HCN4: variants seen among roughly 807,000 people sequenced by gnomAD.
The protein encoded by HCN4 is hyperpolarization activated cyclic nucleotide gated potassium channel 4.
A neutral mutation model predicts 76.9 loss-of-function variants in HCN4; 29 were observed. That is an observed-to-expected ratio of 0.38 (90% CI 0.28 to 0.51). The LOEUF is 0.51. HCN4 is among the 20% of genes least tolerant of loss of function. The pLI, the probability that HCN4 is intolerant of heterozygous loss-of-function variation, is 0.90. For missense variants in HCN4, 1,416 were observed against 1,715.2 expected (o/e 0.83, Z 3.08); for synonymous variants, 772 against 762.5 (o/e 1.01, Z -0.21).
chr15:73,352,081 T>C (rs905349506), intron 1 of HCN4, among the ~76,000 whole-genome samples: 10 of 152,208 alleles, frequency 6.6e-5, no homozygotes, highest in African/African-American at 2.4e-4. Context: ...ATAGTACTTA[T>C]CATGTTATAA....
chr15:73,325,264 G>C lies in HCN4; in HGVS notation c.1737+34C>G. 1 of 1,614,064 alleles carries C rather than the reference G, an allele frequency of 6.2e-7. No homozygotes were observed. Among genetic ancestry groups the C allele is most frequent in the South Asian group, 1.1e-5 (1 of 91,066 alleles). On this transcript the variant is annotated intron_variant, in intron 5 of 7. Transcript: ENST00000261917. The surrounding 1 kb of genome is among the most constrained non-coding windows in gnomAD (Gnocchi z 7.4). ...GGGAGCTGGCTGCCAGGAAGGCCTG[G>C]CTCCCCTCCACGCCGGGCCGCCACA...
At chr15:73,337,375 C>T (rs1193584264) in intron 2 of HCN4, among the ~76,000 whole-genome samples, 2 of 152,216 alleles carry the variant, frequency 1.3e-5, no homozygotes, top group African/African-American at 4.8e-5. Flanking sequence ...AATAAATGCG[C>T]GTACATCTAA....
chr15:73,323,383 T>C lies in HCN4; in HGVS notation c.2710A>G (p.Ile904Val), dbSNP rs2042876462. Residue 904 changes from isoleucine (I) to valine (V), a missense_variant, in exon 8 of 8, where the codon ATA becomes GTA. This residue lies in a region of HCN4 where 633 missense variants were observed against 579.8 expected (regional missense o/e 1.09). Coordinates refer to ENST00000261917, the MANE Select transcript of HCN4 (RefSeq NM_005477.3). ...TTGTGGAAGTGGCCAAACCCGGCTA[T>C]GGTGGTGGCGGCTACGCCAGCTGAT... is the stretch of plus-strand genomic sequence containing the variant. Reference protein sequence around the residue: ...TPSAGVAATTIAGFGHFHKAL... With the variant: ...TPSAGVAATTVAGFGHFHKAL... 3 of 1,588,162 alleles carry C rather than the reference T, an allele frequency of 1.9e-6. No homozygotes were observed. Among genetic ancestry groups the C allele is most frequent in the Non-Finnish European group, 2.6e-6 (3 of 1,168,214 alleles).
intron 2 of HCN4, among the ~76,000 whole-genome samples, chr15:73,333,943 C>T (rs531663535): frequency 2.6e-5 from 4 of 152,208 alleles, no homozygotes; most frequent in Non-Finnish European, 5.9e-5. Context: ...CCTGTAGCCA[C>T]CATATTAGAT....
intron 4 of HCN4, among the ~76,000 whole-genome samples, chr15:73,327,673 C>T (rs2042908697): frequency 6.6e-6 from 1 of 151,904 alleles, no homozygotes; most frequent in South Asian, 2.1e-4. Flanking sequence ...TTCTCTACCT[C>T]CCTAGGAGGT....
chr15:73,343,335 C>T lies in HCN4; in HGVS notation c.1209+50G>A. ...GAGGTTCCCTGCCAGTTCCTCACTC[C>T]CTCTGTGGGGAGTGGCCTTTCCCCC... On this transcript the variant is annotated intron_variant, in intron 2 of 7. Coordinates refer to ENST00000261917, the MANE Select transcript of HCN4 (RefSeq NM_005477.3). This position sits in a 1 kb window ranked among gnomAD's most constrained non-coding sequence, Gnocchi z 5.7. The T allele has an allele frequency of 6.3e-7, 1 of 1,576,462 alleles. No individual in the cohort carries two copies. Among genetic ancestry groups the T allele is most frequent in the Non-Finnish European group, 8.7e-7 (1 of 1,149,132 alleles).
chr15:73,323,692 G>T lies in HCN4; in HGVS notation c.2401C>A (p.Leu801Met). The T allele has an allele frequency of 6.3e-7, 1 of 1,594,574 alleles. No individual in the cohort carries two copies. Among genetic ancestry groups the T allele is most frequent in the Non-Finnish European group, 8.5e-7 (1 of 1,170,914 alleles). The change falls in exon 8 of 8, where the codon CTG becomes ATG. Residue 801 changes from leucine to methionine, a missense_variant. This residue lies in a region of HCN4 where 633 missense variants were observed against 579.8 expected (regional missense o/e 1.09). Coordinates refer to ENST00000261917, the MANE Select transcript of HCN4 (RefSeq NM_005477.3). ...VAIALTHHPR[L>M]PAAIFRPPPG... ...GGAGGGCGGAAGATGGCAGCAGGCA[G>T]GCGAGGGTGGTGGGTGAGGGCTATG...
In HCN4 at chr15:73,322,365, TG is replaced by T; in HGVS notation, c.*115del. The stretch of plus-strand genomic sequence containing the variant: ...TCTGCTGTCTTTTGTTTTTCTGGTG[TG>T]TGTGGTTTTTTAAATAATTATTACT... On this transcript the variant is annotated 3_prime_UTR_variant, in exon 8 of 8. Coordinates refer to ENST00000261917, the MANE Select transcript of HCN4 (RefSeq NM_005477.3). The T allele has an allele frequency of 7.8e-6, 7 of 902,300 alleles. No homozygotes were observed. The highest frequency in any genetic ancestry group is 1.2e-5 in the Non-Finnish European group (7 of 560,294). The allele number at this position is 902,300 out of a possible 1,614,324, so 55.9% of individuals were successfully genotyped here.
At chr15:73,327,535 T>C (rs1296556537) in intron 4 of HCN4, among the ~76,000 whole-genome samples, 5 of 152,006 alleles carry the variant, frequency 3.3e-5, no homozygotes, top group African/African-American at 9.6e-5. Context: ...TGGGCACTGG[T>C]GCTGGCTCCA....
At chr15:73,326,859 T>C (rs2042903352) in intron 4 of HCN4, among the ~76,000 whole-genome samples, 1 of 151,448 alleles carries the variant, frequency 6.6e-6, no homozygotes, top group Non-Finnish European at 1.5e-5. Flanking sequence ...TGAACACAGC[T>C]CACTGCAGCC....
rs1002769653 is a variant in HCN4 at position 73,339,366 on chromosome 15, G to A, written c.1209+4019C>T. Among the ~76,000 whole-genome samples, 14 of 152,202 alleles carry A rather than the reference G, an allele frequency of 9.2e-5. 1 individual carries two copies. The highest frequency in any genetic ancestry group is 7.8e-4 in the Admixed American group (12 of 15,292). ...CACTTAGGAGATCTCCTGGGGGCCTGGTCTGGGCCCGGCTGGGGGAGGCAG... is the reference window on the plus strand; with the variant it reads ...CACTTAGGAGATCTCCTGGGGGCCTAGTCTGGGCCCGGCTGGGGGAGGCAG... On this transcript the variant is annotated intron_variant, in intron 2 of 7. Coordinates refer to ENST00000261917, the MANE Select transcript of HCN4 (RefSeq NM_005477.3).
At chr15:73,326,813 G>T (rs1270778125) in intron 4 of HCN4, among the ~76,000 whole-genome samples, 5 of 149,600 alleles carry the variant, frequency 3.3e-5, no homozygotes, top group South Asian at 4.3e-4. Context: ...TTAAGACAGG[G>T]TCTCGTTGTG....
intron 2 of HCN4, chr15:73,341,070 GT>G (rs1214939928): frequency 0.023 from 34 of 1,470 alleles, no homozygotes; most frequent in Middle Eastern, 0.25. Flanking sequence ...AGGGAGGTAG[GT>G]GTGTGTGTGT....
Position 73,367,939 on chromosome 15 carries a change from C to G in HCN4, c.332G>C (p.Gly111Ala). 1 of 1,357,692 alleles carries G rather than the reference C, an allele frequency of 7.4e-7. No homozygotes were observed. The highest frequency in any genetic ancestry group is 9.4e-7 in the Non-Finnish European group (1 of 1,059,146). The allele number at this position is 1,357,692 out of a possible 1,614,324, so 84.1% of individuals were successfully genotyped here. ...ASLGSRGGGS[G>A]GTGSGSSHGH... is the part of the protein sequence containing the mutation. ...GTGACTGCTGCCGCTCCCCGTGCCG[C>G]CGCTGCCGCCGCCCCGGCTGCCCAG... Residue 111 changes from glycine to alanine, a missense_variant, in exon 1 of 8, where the codon GGC becomes GCC. By Grantham distance (60) the Gly-to-Ala change is moderately conservative (BLOSUM62 0). Transcript: ENST00000261917. The surrounding 1 kb of genome is among the most constrained non-coding windows in gnomAD (Gnocchi z 7.5).
intron 1 of HCN4, among the ~76,000 whole-genome samples, chr15:73,351,126 G>A (rs1595831747): frequency 6.6e-6 from 1 of 152,116 alleles, no homozygotes; most frequent in Non-Finnish European, 1.5e-5. Flanking sequence ...CCTGCAGACA[G>A]TCTCCTCCTT....
At position 73,338,007 on chromosome 15, in the gene HCN4, G is replaced by A. The variant is rs60195531; in HGVS notation, c.1209+5378C>T. On this transcript the variant is annotated intron_variant, in intron 2 of 7. Transcript: ENST00000261917. ...TTTTTAGACACCACAAAGCTGGAGC[G>A]CCAACAACGCACAGTCTGAGCTGCC... Among the ~76,000 whole-genome samples the A allele has an allele frequency of 4.4e-4, 67 of 152,276 alleles. No homozygotes were observed. In the East Asian group the frequency reaches 0.011, roughly 24 times the overall value.
rs1311618171 is a variant in HCN4, at chr15:73,368,613, C to T, written c.-343G>A. ...CCCCGCGGGGAACAATGGGCGCCGG[C>T]CGGAGAGGCTCTGCGGCCGCGGCGC... On this transcript the variant is annotated 5_prime_UTR_variant, in exon 1 of 8. Coordinates refer to ENST00000261917, the MANE Select transcript of HCN4 (RefSeq NM_005477.3). The surrounding 1 kb of genome is among the most constrained non-coding windows in gnomAD (Gnocchi z 6.9). 1 of 172,766 alleles carries T rather than the reference C, an allele frequency of 5.8e-6. No individual in the cohort carries two copies. The highest frequency in any genetic ancestry group is 1.5e-4 in the East Asian group (1 of 6,576). 10.7% of individuals were successfully genotyped at this position (172,766 alleles called of 1,614,324 possible). A position where few individuals can be genotyped will look rare whatever the true frequency, so the allele number is the denominator to read the frequency against.
rs777999747 is a variant in HCN4, at chr15:73,367,944, G to A, written c.327C>T (p.Gly109=). The change falls in exon 1 of 8, where the codon GGC becomes GGT. Residue 109 remains glycine (G), a synonymous_variant. Coordinates refer to ENST00000261917, the MANE Select transcript of HCN4 (RefSeq NM_005477.3). This position sits in a 1 kb window ranked among gnomAD's most constrained non-coding sequence, Gnocchi z 7.5. The part of the protein sequence containing the change: ...SLASLGSRGG[G]SGGTGSGSSH... ...TGCTGCCGCTCCCCGTGCCGCCGCTGCCGCCGCCCCGGCTGCCCAGCGAGG... is the reference window on the plus strand; with the variant it reads ...TGCTGCCGCTCCCCGTGCCGCCGCTACCGCCGCCCCGGCTGCCCAGCGAGG... The A allele has an allele frequency of 2.2e-6, 3 of 1,358,174 alleles. No individual in the cohort carries two copies. The Admixed American group carries it at 9.2e-5, about 41-fold the overall frequency. 84.1% of individuals were successfully genotyped at this position (1,358,174 alleles called of 1,614,324 possible).
rs116042117 is a variant in HCN4 at position 73,322,805 on chromosome 15, G to A, written c.3288C>T (p.Asp1096=). Residue 1096 remains aspartate (D), a synonymous_variant, in exon 8 of 8, where the codon GAC becomes GAT. Coordinates refer to ENST00000261917, the MANE Select transcript of HCN4 (RefSeq NM_005477.3). The part of the protein sequence containing the change: ...ISASQPALPQ[D]GAQTLRRASP... The stretch of plus-strand genomic sequence containing the variant: ...AGGCTCTGCGGAGAGTCTGCGCCCC[G>A]TCCTGAGGCAGGGCTGGCTGAGACG... The A allele has an allele frequency of 1.1e-3, 1,733 of 1,538,632 alleles. 13 individuals carry two copies. In the African/African-American group the frequency reaches 0.015, roughly 13 times the overall value.
Sources: gnomAD v4.1 joint callset for allele counts (sites outside exome capture counted in the v4.1 genomes callset) on GRCh38, gnomAD v4.1.1 for gene constraint, gnomAD v4.1.1 regional missense constraint, Gnocchi (gnomAD v3.1) non-coding constraint, MANE v1.5 for transcripts, NCBI Gene and HGNC (gene_info 2026-07-23, HGNC 2026-07-21) for gene names.